Variants in ZNF735 observed in about 807,000 individuals in gnomAD.
The protein encoded by ZNF735 is zinc finger protein 735.
A neutral mutation model predicts 13.4 loss-of-function variants in ZNF735; 11 were observed. The ratio of observed to expected loss-of-function variants is 0.82; its 90% confidence interval spans 0.52 to 1.36. ZNF735 has a LOEUF of 1.36. ZNF735 is among the 40% of genes most tolerant of loss of function. The pLI is 0.00. For missense variants in ZNF735, 500 were observed against 484.6 expected, an observed-to-expected ratio of 1.03 and a Z score of -0.30; for synonymous variants, 171 against 162.6, an observed-to-expected ratio of 1.05 and a Z score of -0.39.
At chr7:64,211,834 C>T in intron 1 of ZNF735, among the ~76,000 whole-genome samples, 1 of 149,524 alleles carries the variant, frequency 6.7e-6, no homozygotes, top group East Asian at 2.0e-4. Context: ...CCATTACACT[C>T]TAGCCTGGGC....
At chr7:64,213,734 G>A (rs540747944) in intron 2 of ZNF735, among the ~76,000 whole-genome samples, 3 of 152,250 alleles carry the variant, frequency 2.0e-5, no homozygotes, top group Non-Finnish European at 2.9e-5. Flanking sequence ...GCCGAGGCAG[G>A]CAGATCACAA....
intron 3 of ZNF735, among the ~76,000 whole-genome samples, chr7:64,218,237 T>C (rs1787445084): frequency 6.6e-6 from 1 of 152,086 alleles, no homozygotes; most frequent in Non-Finnish European, 1.5e-5. Flanking sequence ...TTGACCATTT[T>C]ACACAGTTCT....
chr7:64,214,877 ATAGT>A (rs1017674854), intron 3 of ZNF735, among the ~76,000 whole-genome samples: 4 of 151,840 alleles, frequency 2.6e-5, no homozygotes, highest in Admixed American at 1.3e-4. Flanking sequence ...CATCATCAAC[ATAGT>A]TGGTGTTTTA....
At position 64,219,876 on chromosome 7, in the gene ZNF735, C is replaced by T. The variant is rs748139199; in HGVS notation, c.825C>T (p.Gly275=). Residue 275 remains glycine (G), a synonymous_variant, in exon 4 of 4, where the codon GGC becomes GGT. Transcript: ENST00000429565. ...AACCCTACGCATGTGAAGAATGTGG[C>T]CAAGCCTTTAGGCGCTCCTCAACAC... The T allele has an allele frequency of 1.5e-5, 25 of 1,613,726 alleles. No individual in the cohort carries two copies. In the Middle Eastern group the frequency reaches 4.9e-4, roughly 32 times the overall value.
Position 64,219,840 on chromosome 7 carries a change from CACTGGAG to C in ZNF735, c.791_797del (p.Thr264ArgfsTer80). On this transcript the variant is annotated frameshift_variant, in exon 4 of 4. Transcript: ENST00000429565. LOFTEE classifies it low-confidence loss of function (END_TRUNC). ...ACCTTACTAGACATAAGAGAATTCA[CACTGGAG>C]AGAAACCCTACGCATGTGAAGAATG... 6.2e-7 allele frequency: 1 copy of C among 1,612,932 alleles called. No individual in the cohort carries two copies.
rs189851648 is a variant in ZNF735, at chr7:64,208,381, C to G, written c.39+1140C>G. Among the ~76,000 whole-genome samples, 407 of 150,974 alleles carry G rather than the reference C, an allele frequency of 2.7e-3. 1 individual carries two copies. Among genetic ancestry groups the G allele is most frequent in the African/African-American group, 8.7e-3 (358 of 41,220 alleles). On this transcript the variant is annotated intron_variant, in intron 1 of 3. Coordinates refer to ENST00000429565, the Ensembl canonical transcript of ZNF735. Reference sequence around the variant, plus strand: ...AAATGATTGTCCTGCCTCAGCCTCCCGAGTAGCTGGAATTACAGGTGTAGG... The same window carrying G: ...AAATGATTGTCCTGCCTCAGCCTCCGGAGTAGCTGGAATTACAGGTGTAGG...
chr7:64,220,261 A>G, exon 4 of ZNF735: 15 of 1,611,696 alleles, frequency 9.3e-6, no homozygotes, highest in Non-Finnish European at 1.2e-5. Flanking sequence ...GATAATTCAC[A>G]CTGGAGAGAA....
chr7:64,210,371 AG>A (rs1391097620), intron 1 of ZNF735, among the ~76,000 whole-genome samples: 1 of 152,162 alleles, frequency 6.6e-6, no homozygotes, highest in Non-Finnish European at 1.5e-5. Flanking sequence ...GGTGGGTGTA[AG>A]GGACTCTTTG....
chr7:64,213,701 C>T (rs1205103144), intron 2 of ZNF735, among the ~76,000 whole-genome samples: 5 of 152,124 alleles, frequency 3.3e-5, no homozygotes, highest in African/African-American at 9.7e-5. Flanking sequence ...TGGCTCACAC[C>T]TGTAATCCCA....
At position 64,207,248 on chromosome 7, in the gene ZNF735, G is replaced by A. The variant is rs951107455; in HGVS notation, c.39+7G>A. 1.8e-5 allele frequency: 29 copies of A among 1,614,076 alleles called. No individual in the cohort carries two copies. Among genetic ancestry groups the A allele is most frequent in the Non-Finnish European group, 2.4e-5 (28 of 1,180,048 alleles). ...CCCTGGAAGCCGAGAAATGGTGAGT[G>A]CTGGGTCTGTCATCGTGAGAGAGGG... On this transcript the variant is annotated splice_region_variant and intron_variant, in intron 1 of 3. Transcript: ENST00000429565.
At chr7:64,208,603 G>T (rs1361475063) in intron 1 of ZNF735, among the ~76,000 whole-genome samples, 1 of 151,696 alleles carries the variant, frequency 6.6e-6, no homozygotes, top group Admixed American at 6.6e-5. Context: ...GAGTACATGT[G>T]CAAGTTTGTT....
At chr7:64,207,384 A>C (rs1354049356) in intron 1 of ZNF735, 143 bp downstream of exon 1, 6 of 1,482,818 alleles carry the variant, frequency 4.0e-6, no homozygotes, top group African/African-American at 2.8e-5. Flanking sequence ...TTCGGCTGTT[A>C]GCCCCCTCCA....
At chr7:64,212,284 C>T (rs1787369936) in intron 1 of ZNF735, among the ~76,000 whole-genome samples, 1 of 152,098 alleles carries the variant, frequency 6.6e-6, no homozygotes, top group Non-Finnish European at 1.5e-5. Flanking sequence ...GGATGTTTGA[C>T]AAAATATTCT....
chr7:64,218,569 T>A (rs1787448534), intron 3 of ZNF735, among the ~76,000 whole-genome samples: 1 of 152,076 alleles, frequency 6.6e-6, no homozygotes, highest in African/African-American at 2.4e-5. Context: ...TCCATTTTTT[T>A]CTCATTGAGC....
chr7:64,208,244 GTTTTTTTTT>G (rs71060562), intron 1 of ZNF735, among the ~76,000 whole-genome samples: 4 of 93,094 alleles, frequency 4.3e-5, no homozygotes, highest in Non-Finnish European at 6.3e-5. Context: ...TCCAATAAAT[GTTTTTTTTT>G]TTTTTTTTTT....
chr7:64,213,881 C>G (rs1787389073), intron 2 of ZNF735, 132 bp from the exon 3 acceptor site: 2 of 772,758 alleles, frequency 2.6e-6, no homozygotes, highest in Admixed American at 3.4e-5. Context: ...ATTGCTTGCA[C>G]CTGGGAAGTG....
intron 1 of ZNF735, among the ~76,000 whole-genome samples, chr7:64,210,792 G>A (rs1221999422): frequency 1.3e-5 from 2 of 152,136 alleles, no homozygotes; most frequent in African/African-American, 2.4e-5. Flanking sequence ...ACAAAAATGG[G>A]TGAATGTTTT....
intron 1 of ZNF735, among the ~76,000 whole-genome samples, chr7:64,212,129 C>T (rs1787368047): frequency 6.6e-6 from 1 of 151,978 alleles, no homozygotes; most frequent in Non-Finnish European, 1.5e-5. Flanking sequence ...ATTTACTAGC[C>T]GAAGTGCATA....
chr7:64,218,788 A>G (rs1787452289), intron 3 of ZNF735, among the ~76,000 whole-genome samples: 1 of 152,130 alleles, frequency 6.6e-6, no homozygotes, highest in Admixed American at 6.6e-5. Flanking sequence ...CCTGAAAGCA[A>G]TTGTCTTGGG....
Sources: gnomAD v4.1 joint callset for allele counts (sites outside exome capture counted in the v4.1 genomes callset) on GRCh38, gnomAD v4.1.1 for gene constraint, MANE v1.5 for transcripts, NCBI Gene and HGNC (gene_info 2026-07-23, HGNC 2026-07-21) for gene names.